The following PSG6 variants were observed in gnomAD, a reference collection of about 807,000 sequenced individuals.
The protein encoded by PSG6 is pregnancy-specific beta-1-glycoprotein 6.
In PSG6, 51 loss-of-function variants were observed where a neutral mutation model predicts 43.3. That is an observed-to-expected ratio of 1.18 (90% CI 0.94 to 1.49). The LOEUF (loss-of-function observed/expected upper bound fraction) is 1.49, where lower values mean the gene tolerates loss of function less well. PSG6 is among the 40% of genes most tolerant of loss of function. The probability of loss-of-function intolerance (pLI) is 0.00; values close to 1 mark genes in which losing one functional copy is unlikely to be tolerated. For synonymous variants in PSG6, 292 were observed against 197.6 expected, an observed-to-expected ratio of 1.48 and a Z score of -4.01; for missense variants, 770 against 522.2, an observed-to-expected ratio of 1.47 and a Z score of -4.62.
At position 42,907,585 on chromosome 19, in the gene PSG6, T is replaced by C; in HGVS notation, c.976A>G (p.Asn326Asp). 6.2e-7 allele frequency: 1 copy of C among 1,612,006 alleles called. No individual in the cohort carries two copies. Among genetic ancestry groups the C allele is most frequent in the Non-Finnish European group, 8.5e-7 (1 of 1,179,054 alleles). The change falls in exon 4 of 6, where the codon AAT (asparagine) becomes GAT (aspartate). Residue 326 changes from asparagine (N) to aspartate (D), a missense_variant. By Grantham distance (23) the Asn-to-Asp change is conservative. Coordinates refer to ENST00000187910, the MANE Select transcript of PSG6 (RefSeq NM_001031850.4). ...AACAAAGGATACTCACAGAGGACAT[T>C]CAGGGTGACTGGGTTACTGCGGATG... ...GGIRSNPVTL[N>D]VLYGPDLPRI...
At position 42,916,308 on chromosome 19, in the gene PSG6, A is replaced by G. The variant is rs780829959; in HGVS notation, c.244T>C (p.Tyr82His). ...MTDLYHYITS[Y>H]VVHGQIIYGP... ...TATATAATTTGACCGTGTACTACAT[A>G]TGATGTAATGTAATGGTAGAGGTCC... is the stretch of plus-strand genomic sequence containing the variant. The change falls in exon 2 of 6, where the codon TAT (tyrosine) becomes CAT (histidine). Residue 82 changes from tyrosine (Y) to histidine (H), a missense_variant. Transcript: ENST00000187910. 1 of 1,612,070 alleles carries G rather than the reference A, an allele frequency of 6.2e-7. No individual in the cohort carries two copies. Among genetic ancestry groups the G allele is most frequent in the Non-Finnish European group, 8.5e-7 (1 of 1,179,082 alleles).
At chr19:42,916,981 G>T (rs1479626990) in intron 1 of PSG6, among the ~76,000 whole-genome samples, 1 of 151,476 alleles carries the variant, frequency 6.6e-6, no homozygotes, top group African/African-American at 2.4e-5. Flanking sequence ...TGTGAGGACA[G>T]AGACTTTTGT....
chr19:42,906,675 G>T (rs1214588758), intron 5 of PSG6: 1 of 1,432,710 alleles, frequency 7.0e-7, no homozygotes, highest in Non-Finnish European at 9.2e-7. Flanking sequence ...ACCACATAGG[G>T]CTCAGGGCTG....
chr19:42,910,579 CGGA>C lies in PSG6; in HGVS notation c.704_706del (p.Leu235del). On this transcript the variant is annotated inframe_deletion and splice_region_variant, in exon 3 of 6. Coordinates refer to ENST00000187910, the MANE Select transcript of PSG6 (RefSeq NM_001031850.4). ...CTCACAGAGGAACAGAAGATACTCA[CGGA>C]GGAGATTCAGGGTGACTGGGTCACT... is the stretch of plus-strand genomic sequence containing the variant. 2 of 1,612,468 alleles carry C rather than the reference CGGA, an allele frequency of 1.2e-6. No individual in the cohort carries two copies. Among genetic ancestry groups the C allele is most frequent in the South Asian group, 2.2e-5 (2 of 90,632 alleles).
Position 42,913,162 on chromosome 19 carries a change from A to AT in PSG6, c.428-2305dup, listed in dbSNP as rs571847209. ...AAGCATTCTTCATTTCTCTAACAGC[A>AT]TTTTTTTTTCTGAGACAGAGTCTCG... On this transcript the variant is annotated intron_variant, in intron 2 of 5. Transcript: ENST00000187910. Among the ~76,000 whole-genome samples, 112 of 149,766 alleles carry AT rather than the reference A, an allele frequency of 7.5e-4. 2 individuals are homozygous for AT. The highest frequency in any genetic ancestry group is 2.2e-3 in the African/African-American group (89 of 40,790).
chr19:42,907,009 T>C lies in PSG6; in HGVS notation c.1153A>G (p.Thr385Ala). ...CAAGCATAGAGCCCGCTATGATTTG[T>C]AGTAATTTGGGGGATAAAGAGCTTT... ...GQKLFIPQIT[T>A]NHSGLYACSV... Residue 385 changes from threonine (T) to alanine (A), a missense_variant, in exon 5 of 6, where the codon ACA (threonine) becomes GCA (alanine). By Grantham distance (58) the Thr-to-Ala change is moderately conservative. Transcript: ENST00000187910. The C allele has an allele frequency of 1.9e-6, 3 of 1,612,476 alleles. 1 individual carries two copies. Among genetic ancestry groups the C allele is most frequent in the Middle Eastern group, 1.7e-4 (1 of 6,056 alleles).
rs185805475 is a variant in PSG6 at position 42,915,141 on chromosome 19, A to C, written c.427+984T>G. Reference sequence around the variant, plus strand: ...GGGCCTGTGGCTGCAGACAGACCTCATGTGACCCCGATCTCCCCTTTGTGT... The same window carrying C: ...GGGCCTGTGGCTGCAGACAGACCTCCTGTGACCCCGATCTCCCCTTTGTGT... On this transcript the variant is annotated intron_variant, in intron 2 of 5. Coordinates refer to ENST00000187910, the MANE Select transcript of PSG6 (RefSeq NM_001031850.4). Among the ~76,000 whole-genome samples, 252 of 151,584 alleles carry C rather than the reference A, an allele frequency of 1.7e-3. 7 individuals are homozygous for C. Among genetic ancestry groups the C allele is most frequent in the African/African-American group, 5.9e-3 (245 of 41,344 alleles).
In PSG6 at chr19:42,907,795, C is replaced by A. The variant is rs142535799; in HGVS notation, c.766G>T (p.Val256Leu). 1.9e-6 allele frequency: 3 copies of A among 1,611,236 alleles called. No individual in the cohort carries two copies. The highest frequency in any genetic ancestry group is 2.7e-5 in the African/African-American group (2 of 74,698). ...TTAGGTTCACAGGTGAAGGCTAACA[C>A]ATCCTTCTTCTCCCTGGGGTTTAAG... ...NNLNPREKKD[V>L]LAFTCEPKSR... Residue 256 changes from valine (V) to leucine (L), a missense_variant, in exon 4 of 6, where the codon GTG (valine) becomes TTG (leucine). Coordinates refer to ENST00000187910, the MANE Select transcript of PSG6 (RefSeq NM_001031850.4).
chr19:42,903,731 A>G lies in PSG6; in HGVS notation c.1241-1285T>C. ...TGGGGAGATGCTGTCTCTACAAAAAAAAAAAAAACCAATTAGCTGGGCATG... is the reference window on the plus strand; with the variant it reads ...TGGGGAGATGCTGTCTCTACAAAAAGAAAAAAAACCAATTAGCTGGGCATG... On this transcript the variant is annotated intron_variant, in intron 5 of 5. Transcript: ENST00000187910. 5 of 1,522,202 alleles carry G rather than the reference A, an allele frequency of 3.3e-6. No individual in the cohort carries two copies. In the South Asian group the frequency reaches 5.1e-5, roughly 16 times the overall value. The allele number at this position is 1,522,202 out of a possible 1,614,324, so 94.3% of individuals were successfully genotyped here.
rs553143588 is a variant in PSG6 at position 42,902,266 on chromosome 19, A to C, written c.*146T>G. ...ATCTGGAGAATAAAACATTCCAAGA[A>C]TCAGCACATTTTCCAATAAAAAATT... On this transcript the variant is annotated 3_prime_UTR_variant, in exon 6 of 6. Coordinates refer to ENST00000187910, the MANE Select transcript of PSG6 (RefSeq NM_001031850.4). The C allele has an allele frequency of 2.8e-6, 3 of 1,053,648 alleles. No individual in the cohort carries two copies. The highest frequency in any genetic ancestry group is 4.1e-6 in the Non-Finnish European group (3 of 739,626). 65.3% of individuals were successfully genotyped at this position (1,053,648 alleles called of 1,614,324 possible). A position where few individuals can be genotyped will look rare whatever the true frequency, so the allele number is the denominator to read the frequency against.
rs1251268214 is a variant in PSG6, at chr19:42,914,928, G to A, written c.427+1197C>T. ...GGTTAAGATCTGAGGGGGAGACCTG[G>A]ACATTTTTTTTGCACTGACTCTGGC... On this transcript the variant is annotated intron_variant, in intron 2 of 5. Coordinates refer to ENST00000187910, the MANE Select transcript of PSG6 (RefSeq NM_001031850.4). Among the ~76,000 whole-genome samples, 3 of 151,680 alleles carry A rather than the reference G, an allele frequency of 2.0e-5. 1 individual carries two copies. Among genetic ancestry groups the A allele is most frequent in the South Asian group, 2.1e-4 (1 of 4,722 alleles).
intron 3 of PSG6, among the ~76,000 whole-genome samples, chr19:42,909,536 A>T (rs1972179065): frequency 6.6e-6 from 1 of 151,644 alleles, no homozygotes; most frequent in Non-Finnish European, 1.5e-5. Context: ...TGCTTCTTCC[A>T]ATCCATGAAA....
chr19:42,915,112 G>A (rs1214924029), intron 2 of PSG6, among the ~76,000 whole-genome samples: 2 of 151,472 alleles, frequency 1.3e-5, no homozygotes, highest in African/African-American at 4.9e-5. Flanking sequence ...GTAGAGGAGA[G>A]GATGGGCCTG....
rs756566355 is a variant in PSG6, at chr19:42,916,262, C to A, written c.290G>T (p.Arg97Leu). ...QIIYGPAYSGRETVYSNASLL... is the reference protein window; with the variant it reads ...QIIYGPAYSGLETVYSNASLL... ...GGATGCATTGGAATATACTGTTTCT[C>A]GTCCACTGTAGGCAGGCCCATATAT... The change falls in exon 2 of 6, where the codon CGA becomes CTA. Residue 97 changes from arginine (R) to leucine (L), a missense_variant. Transcript: ENST00000187910. The A allele has an allele frequency of 1.9e-6, 3 of 1,612,046 alleles. No individual in the cohort carries two copies. Among genetic ancestry groups the A allele is most frequent in the Middle Eastern group, 1.6e-4 (1 of 6,078 alleles).
rs1352986801 is a variant in PSG6, at chr19:42,908,338, C to T, written c.707-484G>A. On this transcript the variant is annotated intron_variant, in intron 3 of 5. Coordinates refer to ENST00000187910, the MANE Select transcript of PSG6 (RefSeq NM_001031850.4). ...GTCCTGAAACCCTGCAGATACTGAG[C>T]AGCCTGGCCTGGGACTGGATGTTTC... Among the ~76,000 whole-genome samples, 3 of 151,722 alleles carry T rather than the reference C, an allele frequency of 2.0e-5. 1 individual carries two copies. Among genetic ancestry groups the T allele is most frequent in the Non-Finnish European group, 4.4e-5 (3 of 67,920 alleles).
In PSG6 at chr19:42,902,504, A is replaced by G. The variant is rs1056202841; in HGVS notation, c.1241-58T>C. On this transcript the variant is annotated intron_variant, in intron 5 of 5. Transcript: ENST00000187910. ...CAAATTCACTACCTCCTTTACAGAG[A>G]AAGCTTCTTTCCCACAGGCTCCCAG... 2.5e-6 allele frequency: 4 copies of G among 1,596,490 alleles called. No individual in the cohort carries two copies. The African/African-American group carries it at 5.4e-5, about 22-fold the overall frequency.
Position 42,906,987 on chromosome 19 carries a change from G to T in PSG6, c.1175C>A (p.Ala392Asp). 6.2e-7 allele frequency: 1 copy of T among 1,612,464 alleles called. No individual in the cohort carries two copies. Among genetic ancestry groups the T allele is most frequent in the Non-Finnish European group, 8.5e-7 (1 of 1,179,110 alleles). Residue 392 changes from alanine (A) to aspartate (D), a missense_variant, in exon 5 of 6, where the codon GCT (alanine) becomes GAT (aspartate). Transcript: ENST00000187910. Reference sequence around the variant, plus strand: ...AGTGGCTGAGTTACGAACAGAGCAAGCATAGAGCCCGCTATGATTTGTAGT... The same window carrying T: ...AGTGGCTGAGTTACGAACAGAGCAATCATAGAGCCCGCTATGATTTGTAGT... The part of the protein sequence containing the change: ...QITTNHSGLY[A>D]CSVRNSATGK...
intron 5 of PSG6, chr19:42,903,751 G>C (rs1378653869): frequency 5.9e-6 from 9 of 1,516,920 alleles, no homozygotes; most frequent in Non-Finnish European, 7.9e-6. Context: ...CAATTAGCTG[G>C]GCATGTTGAC....
intron 1 of PSG6, among the ~76,000 whole-genome samples, chr19:42,917,496 G>T (rs1165962090): frequency 1.3e-5 from 2 of 150,012 alleles, no homozygotes; most frequent in Non-Finnish European, 3.0e-5. Context: ...CCCGAAAGCT[G>T]GGATTACAGG....
Sources: allele counts gnomAD v4.1 joint callset (sites outside exome capture counted in the v4.1 genomes callset), GRCh38; gene constraint gnomAD v4.1.1; transcripts MANE v1.5; gene names NCBI Gene and HGNC (gene_info 2026-07-23, HGNC 2026-07-21).